Variants in PIWIL1 observed in about 807,000 individuals in gnomAD.
PIWIL1 encodes the protein piwi like RNA-mediated gene silencing 1.
In PIWIL1, 73 loss-of-function variants were observed where a neutral mutation model predicts 114.4. That is an observed-to-expected ratio of 0.64 (90% CI 0.53 to 0.78). The LOEUF is 0.78. Among genes scored for constraint, PIWIL1 ranks in the 30% least tolerant of loss-of-function variants. The pLI is 0.00. For missense variants in PIWIL1, 723 were observed against 1,063.1 expected (o/e 0.68, Z 4.45); for synonymous variants, 375 against 369.0 (o/e 1.02, Z -0.19).
intron 1 of PIWIL1, chr12:130,339,839 A>G (rs1397490645): frequency 6.6e-6 from 1 of 152,188 alleles, no homozygotes; most frequent in African/African-American, 2.4e-5. Context: ...TTCTGTTCCC[A>G]GCCAGTCCAG....
the PIWIL1 span, chr12:130,412,605 G>T: frequency 0.1 from 165,905 of 1,610,370 alleles, 9,854 homozygotes; most frequent in South Asian, 0.2. Context: ...GGTCGAATAG[G>T]GGTTTGCGCT....
At chr12:130,422,724 G>A in the PIWIL1 span, among the ~76,000 whole-genome samples, 1 of 152,196 alleles carries the variant, frequency 6.6e-6, no homozygotes, top group African/African-American at 2.4e-5. The surrounding 1 kb of genome is among the most constrained non-coding windows in gnomAD (Gnocchi z 5.2). Flanking sequence ...AACAAAGCCG[G>A]GCACCAGCAC....
At chr12:130,423,208 TA>T in the PIWIL1 span, among the ~76,000 whole-genome samples, 2 of 152,144 alleles carry the variant, frequency 1.3e-5, no homozygotes, top group Admixed American at 1.3e-4. Context: ...TTCTTGCTAG[TA>T]AGTAAATGGA....
At chr12:130,344,445 A>AGATGTGATATTTAAAACTTCT (rs1555226815) in intron 3 of PIWIL1, among the ~76,000 whole-genome samples, 20 of 152,062 alleles carry the variant, frequency 1.3e-4, no homozygotes, top group Admixed American at 3.9e-4. Flanking sequence ...AAAGTGCTTT[A>AGATGTGATATTTAAAACTTCT]GACGTGATAT....
Position 130,361,481 on chromosome 12 carries a change from C to T in PIWIL1, c.1867-17C>T, listed in dbSNP as rs777963937. 6.2e-7 allele frequency: 1 copy of T among 1,612,854 alleles called. No homozygotes were observed. Among genetic ancestry groups the T allele is most frequent in the East Asian group, 2.2e-5 (1 of 44,878 alleles). Reference sequence around the variant, plus strand: ...TGGTACTCCATTGTATCTAAAATTACCATATTTGTATTGAAGCTGAAGCTC... The same window carrying T: ...TGGTACTCCATTGTATCTAAAATTATCATATTTGTATTGAAGCTGAAGCTC... On this transcript the variant is annotated splice_polypyrimidine_tract_variant and intron_variant, in intron 15 of 20. Coordinates refer to ENST00000245255, the MANE Select transcript of PIWIL1 (RefSeq NM_004764.5).
chr12:130,352,181 G>T (rs568954594), intron 9 of PIWIL1, among the ~76,000 whole-genome samples: 3 of 152,154 alleles, frequency 2.0e-5, no homozygotes, highest in African/African-American at 7.2e-5. Context: ...AAGAATCAAA[G>T]CCTTCTTAGA....
chr12:130,368,186 A>G (rs1465506299), intron 19 of PIWIL1, among the ~76,000 whole-genome samples: 1 of 152,186 alleles, frequency 6.6e-6, no homozygotes, highest in African/African-American at 2.4e-5. Flanking sequence ...ATGGCAACCC[A>G]TCAGTCATTC....
chr12:130,380,581 A>G, the PIWIL1 span, among the ~76,000 whole-genome samples: 1 of 152,206 alleles, frequency 6.6e-6, no homozygotes. Context: ...ATGATTTTAC[A>G]TTTAAGGATG....
At chr12:130,404,070 GAC>G in the PIWIL1 span, among the ~76,000 whole-genome samples, 1 of 152,106 alleles carries the variant, frequency 6.6e-6, no homozygotes, top group Admixed American at 6.6e-5. Context: ...TGATTAGTAA[GAC>G]AATTAAAAAT....
intron 1 of PIWIL1, among the ~76,000 whole-genome samples, chr12:130,339,956 A>C (rs2072857021): frequency 6.6e-6 from 1 of 152,152 alleles, no homozygotes; most frequent in Non-Finnish European, 1.5e-5. Flanking sequence ...TCACTGTTTC[A>C]CACCGTTGTT....
At chr12:130,425,146 T>G in the PIWIL1 span, 3 of 301,684 alleles carry the variant, frequency 9.9e-6, no homozygotes, top group Non-Finnish European at 1.8e-5. Context: ...GCAGGTGAGA[T>G]CCCGGCGGCA....
At chr12:130,393,693 A>G in the PIWIL1 span, among the ~76,000 whole-genome samples, 1 of 152,304 alleles carries the variant, frequency 6.6e-6, no homozygotes, top group East Asian at 1.9e-4. Flanking sequence ...TATTATAATA[A>G]TGTGATACAT....
At chr12:130,364,040 G>T (rs2073588969) in intron 18 of PIWIL1, among the ~76,000 whole-genome samples, 1 of 152,186 alleles carries the variant, frequency 6.6e-6, no homozygotes, top group Non-Finnish European at 1.5e-5. Context: ...ATTTCCGTCA[G>T]TGCCATTATG....
At chr12:130,341,578 C>T (rs1464708835) in intron 1 of PIWIL1, among the ~76,000 whole-genome samples, 2 of 152,228 alleles carry the variant, frequency 1.3e-5, no homozygotes, top group Non-Finnish European at 2.9e-5. Flanking sequence ...TTTACCTGCC[C>T]TTTCCATTAG....
At position 130,347,965 on chromosome 12, in the gene PIWIL1, A is replaced by T. The variant is rs923016389; in HGVS notation, c.654-138A>T. 10 of 584,694 alleles carry T rather than the reference A, an allele frequency of 1.7e-5. No homozygotes were observed. In the African/African-American group the frequency reaches 1.9e-4, roughly 11 times the overall value. 36.2% of individuals were successfully genotyped at this position (584,694 alleles called of 1,614,324 possible). ...GAAAACCGTTGGTAACTCATAGGCC[A>T]TAAAAAACAGCAGGTAGGTTGGATT... On this transcript the variant is annotated intron_variant, in intron 6 of 20. Coordinates refer to ENST00000245255, the MANE Select transcript of PIWIL1 (RefSeq NM_004764.5).
the PIWIL1 span, among the ~76,000 whole-genome samples, chr12:130,415,039 C>T: frequency 2.6e-5 from 4 of 152,152 alleles, no homozygotes; most frequent in Non-Finnish European, 5.9e-5. Context: ...AGGACTCCAC[C>T]CTAACTCATT....
downstream of PIWIL1, among the ~76,000 whole-genome samples, chr12:130,376,498 C>T (rs751674453): frequency 3.3e-5 from 5 of 152,202 alleles, no homozygotes; most frequent in South Asian, 8.3e-4. Context: ...CCGCATTTGA[C>T]AACCTCTGGT....
At chr12:130,347,995 C>A in intron 6 of PIWIL1, 108 bp from the exon 7 acceptor site, 1 of 637,120 alleles carries the variant, frequency 1.6e-6, no homozygotes, top group African/African-American at 1.9e-5. Context: ...TGGATTTGGC[C>A]TGGCTACAGA....
the PIWIL1 span, chr12:130,399,227 G>T: frequency 2.2e-6 from 2 of 915,714 alleles, no homozygotes; most frequent in Non-Finnish European, 2.9e-6. Flanking sequence ...AGAAAAACTT[G>T]CAGTGATGAA....
Sources: gnomAD v4.1 joint callset for allele counts (sites outside exome capture counted in the v4.1 genomes callset) on GRCh38, gnomAD v4.1.1 for gene constraint, Gnocchi (gnomAD v3.1) non-coding constraint, MANE v1.5 for transcripts, NCBI Gene and HGNC (gene_info 2026-07-23, HGNC 2026-07-21) for gene names.